Variants in CDK8 observed in about 807,000 individuals in gnomAD.
CDK8 encodes the protein cyclin-dependent kinase 8.
Under a neutral mutation model 71.5 loss-of-function variants are expected in CDK8, and 29 were observed. The ratio of observed to expected loss-of-function variants is 0.41; its 90% CI spans 0.30 to 0.55. The LOEUF is 0.55. Among genes scored for constraint, CDK8 ranks in the 20% least tolerant of loss-of-function variants. CDK8 has a pLI of 0.37. For synonymous variants in CDK8, 161 were observed against 192.1 expected (o/e 0.84, Z 1.34); for missense variants, 288 against 572.6 (o/e 0.50, Z 5.07).
intron 1 of CDK8, among the ~76,000 whole-genome samples, chr13:26,315,515 G>A (rs925633395): frequency 2.7e-4 from 41 of 152,126 alleles, no homozygotes; most frequent in African/African-American, 9.2e-4. Context: ...TAGGGGAGGG[G>A]ATGTTCCTTC....
At chr13:26,347,222 C>T (rs576823760) in intron 2 of CDK8, among the ~76,000 whole-genome samples, 16 of 151,882 alleles carry the variant, frequency 1.1e-4, no homozygotes, top group Admixed American at 2.0e-4. Context: ...AAGCACAAAC[C>T]CATGAAAATA....
chr13:26,392,378 A>T (rs1196849498), intron 6 of CDK8, among the ~76,000 whole-genome samples: 1 of 137,302 alleles, frequency 7.3e-6, no homozygotes, highest in African/African-American at 2.8e-5. Flanking sequence ...CCCAGGCAAG[A>T]GTGCAGTGGC....
Position 26,348,630 on chromosome 13 carries a change from T to C in CDK8, c.205-442T>C, listed in dbSNP as rs572519473. 8.7e-4 allele frequency among the ~76,000 whole-genome samples: 132 copies of C among 151,940 alleles called. 1 individual carries two copies. Among genetic ancestry groups the C allele is most frequent in the African/African-American group, 3.1e-3 (128 of 41,436 alleles). On this transcript the variant is annotated intron_variant, in intron 2 of 12. Transcript: ENST00000381527. ...ATTTGTCTTCCTCAAAAATGGTTTC[T>C]GATGCCAAAAAGGTTGGGAACCGCT...
chr13:26,332,518 G>A (rs1224172677), intron 1 of CDK8, among the ~76,000 whole-genome samples: 1 of 150,670 alleles, frequency 6.6e-6, no homozygotes, highest in African/African-American at 2.4e-5. Context: ...CATATCATCA[G>A]CAAAGAGAGA....
At chr13:26,283,602 C>T (rs148861806) in intron 1 of CDK8, among the ~76,000 whole-genome samples, 458 of 137,728 alleles carry the variant, frequency 3.3e-3, no homozygotes, top group African/African-American at 0.011. Context: ...AATGAGACTC[C>T]GTCTCAAAAA....
intron 1 of CDK8, among the ~76,000 whole-genome samples, chr13:26,279,987 G>A (rs928975959): frequency 2.0e-5 from 3 of 151,978 alleles, no homozygotes; most frequent in African/African-American, 4.8e-5. Flanking sequence ...GTGTGTGTGT[G>A]TATGTGTGTG....
chr13:26,302,239 C>T (rs1873855223), intron 1 of CDK8, among the ~76,000 whole-genome samples: 1 of 152,234 alleles, frequency 6.6e-6, no homozygotes, highest in African/African-American at 2.4e-5. Flanking sequence ...TTAAAGACTT[C>T]AGTCGATTTC....
At chr13:26,316,399 A>G (rs1593258750) in intron 1 of CDK8, among the ~76,000 whole-genome samples, 1 of 152,096 alleles carries the variant, frequency 6.6e-6, no homozygotes, top group Admixed American at 6.5e-5. Context: ...AGGCAAGGAG[A>G]TGGGTAGTTA....
intron 2 of CDK8, among the ~76,000 whole-genome samples, chr13:26,347,715 C>T (rs1216222020): frequency 6.6e-6 from 1 of 152,086 alleles, no homozygotes; most frequent in East Asian, 1.9e-4. Context: ...TAGGCAAATG[C>T]AAACCAAAAC....
chr13:26,320,050 A>G (rs1874699421), intron 1 of CDK8, among the ~76,000 whole-genome samples: 1 of 152,244 alleles, frequency 6.6e-6, no homozygotes, highest in East Asian at 1.9e-4. Flanking sequence ...CCTGCCTAAC[A>G]CCATATACAA....
chr13:26,341,786 T>C (rs918331999), intron 2 of CDK8, among the ~76,000 whole-genome samples: 1 of 152,178 alleles, frequency 6.6e-6, no homozygotes, highest in Non-Finnish European at 1.5e-5. Context: ...ATAAATTAAA[T>C]TTACAGTAAA....
At position 26,265,157 on chromosome 13, in the gene CDK8, G is replaced by T. The variant is rs745380104; in HGVS notation, c.128+10388G>T. 4.6e-5 allele frequency among the ~76,000 whole-genome samples: 7 copies of T among 152,064 alleles called. 1 individual carries two copies. The highest frequency in any genetic ancestry group is 1.7e-4 in the African/African-American group (7 of 41,394). ...ATTTTTAGTTTTTTGAGAAATCTTC[G>T]TACTGTTTTTTATAGTGGCTGTACT... is the stretch of plus-strand genomic sequence containing the variant. On this transcript the variant is annotated intron_variant, in intron 1 of 12. Coordinates refer to ENST00000381527, the MANE Select transcript of CDK8 (RefSeq NM_001260.3).
chr13:26,382,593 C>G (rs1875279359), intron 4 of CDK8, among the ~76,000 whole-genome samples: 1 of 152,176 alleles, frequency 6.6e-6, no homozygotes, highest in Non-Finnish European at 1.5e-5. Context: ...AAGCCTCAGC[C>G]TTCTGTGGAG....
intron 1 of CDK8, among the ~76,000 whole-genome samples, chr13:26,259,296 G>A (rs114182574): frequency 7.9e-5 from 12 of 152,092 alleles, no homozygotes; most frequent in Admixed American, 2.0e-4. Context: ...AAAAATTTTC[G>A]AGGGGGTAGG....
chr13:26,337,641 C>A lies in CDK8; in HGVS notation c.203C>A (p.Ala68Glu). Residue 68 changes from alanine (A) to glutamate (E), a missense_variant and splice_region_variant, in exon 2 of 13, where the codon GCA becomes GAA. Ala to Glu is a moderately radical substitution (Grantham distance 107). This residue lies in a region of CDK8 where 95 missense variants were observed against 177.3 expected (regional missense o/e 0.54). Coordinates refer to ENST00000381527, the MANE Select transcript of CDK8 (RefSeq NM_001260.3). ...GISMSACREI[A>E]LLRELKHPNV... ...TCTATGTCGGCATGTAGAGAAATAG[C>A]AGTAAGTGAAGTTCTTTTTATCATC... The A allele has an allele frequency of 7.1e-7, 1 of 1,408,326 alleles. No individual in the cohort carries two copies. Among genetic ancestry groups the A allele is most frequent in the Non-Finnish European group, 9.4e-7 (1 of 1,067,244 alleles). 87.2% of individuals were successfully genotyped at this position (1,408,326 alleles called of 1,614,324 possible). A position where few individuals can be genotyped will look rare whatever the true frequency, so the allele number is the denominator to read the frequency against.
intron 1 of CDK8, among the ~76,000 whole-genome samples, chr13:26,292,288 C>T (rs1593243642): frequency 6.6e-6 from 1 of 152,134 alleles, no homozygotes; most frequent in African/African-American, 2.4e-5. Context: ...ACTCAGAGTG[C>T]GATTCCCAGA....
At chr13:26,256,868 T>C (rs1228167582) in intron 1 of CDK8, among the ~76,000 whole-genome samples, 1 of 152,190 alleles carries the variant, frequency 6.6e-6, no homozygotes, top group Non-Finnish European at 1.5e-5. Flanking sequence ...ATGGATCAAA[T>C]GTCAAGAGAG....
intron 4 of CDK8, among the ~76,000 whole-genome samples, chr13:26,365,219 A>G (rs765730330): frequency 2.0e-5 from 3 of 152,168 alleles, no homozygotes; most frequent in African/African-American, 7.2e-5. Flanking sequence ...GCAAATTTAA[A>G]TGAGATTTGC....
intron 1 of CDK8, among the ~76,000 whole-genome samples, chr13:26,318,646 G>A (rs899140022): frequency 5.3e-5 from 8 of 152,044 alleles, no homozygotes; most frequent in Admixed American, 1.3e-4. Context: ...AAATGCAAGC[G>A]TGGTTCAACA....
Sources: allele counts gnomAD v4.1 joint callset (sites outside exome capture counted in the v4.1 genomes callset), GRCh38; gene constraint gnomAD v4.1.1; regional missense constraint gnomAD v4.1.1; transcripts MANE v1.5; gene names NCBI Gene and HGNC (gene_info 2026-07-23, HGNC 2026-07-21).